The following ZFHX4 variants were observed in gnomAD, a reference collection of about 807,000 sequenced individuals.
ZFHX4 encodes the protein zinc finger homeobox 4.
A neutral mutation model predicts 267.6 loss-of-function variants in ZFHX4; 56 were observed. The ratio of observed to expected loss-of-function variants is 0.21; its 90% CI spans 0.17 to 0.26. ZFHX4 has a LOEUF of 0.26. Ranked by LOEUF, ZFHX4 falls within the 10% of genes least tolerant of loss-of-function variation. The pLI, the probability that ZFHX4 is intolerant of heterozygous loss-of-function variation, is 1.00. For synonymous variants in ZFHX4, 1,778 were observed against 1,665.6 expected (o/e 1.07, Z -1.64); for missense variants, 4,332 against 4,420.0 (o/e 0.98, Z 0.56).
chr8:76,791,903 G>T (rs1199046380), intron 4 of ZFHX4, among the ~76,000 whole-genome samples: 1 of 152,020 alleles, frequency 6.6e-6, no homozygotes, highest in African/African-American at 2.4e-5. Context: ...TCAATGTATA[G>T]ATATTACTCA....
At position 76,837,438 on chromosome 8, in the gene ZFHX4, A is replaced by G. The variant is rs556253963; in HGVS notation, c.3394+4032A>G. 3.9e-5 allele frequency among the ~76,000 whole-genome samples: 6 copies of G among 151,936 alleles called. No individual in the cohort carries two copies. The East Asian group carries it at 1.2e-3, about 30-fold the overall frequency. ...GGAGGAATTAATATGAACAGAAACC[A>G]GACTGGAGAGGGTTGAATAATAAAT... is the stretch of plus-strand genomic sequence containing the variant. On this transcript the variant is annotated intron_variant, in intron 5 of 10. Coordinates refer to ENST00000651372, the MANE Select transcript of ZFHX4 (RefSeq NM_024721.5).
At chr8:76,712,731 T>C (rs573837294) in intron 3 of ZFHX4, among the ~76,000 whole-genome samples, 7 of 152,318 alleles carry the variant, frequency 4.6e-5, no homozygotes, top group African/African-American at 1.7e-4. Flanking sequence ...GTTATTCTTT[T>C]CTGTTACTAA....
At chr8:76,799,160 C>T (rs570581856) in intron 4 of ZFHX4, among the ~76,000 whole-genome samples, 1 of 152,206 alleles carries the variant, frequency 6.6e-6, no homozygotes, top group East Asian at 1.9e-4. Flanking sequence ...GTATATTTTT[C>T]ATCACGCTGT....
intron 3 of ZFHX4, among the ~76,000 whole-genome samples, chr8:76,732,347 C>A (rs982887672): frequency 2.6e-5 from 4 of 151,886 alleles, no homozygotes; most frequent in Admixed American, 6.6e-5. Flanking sequence ...TTTAGAAGGG[C>A]AGTCTGTTTT....
rs1426538281 is a variant in ZFHX4 at position 76,856,188 on chromosome 8, C to A, written c.9267C>A (p.Leu3089=). The part of the protein sequence containing the change: ...QQPGMMDSSS[L]HGISLPTAYP... ...CAGGCATGATGGACAGCAGTTCTCT[C>A]CACGGCATCAGCCTGCCAACAGCCT... Residue 3089 remains leucine (L), a synonymous_variant, in exon 10 of 11, where the codon CTC becomes CTA. Coordinates refer to ENST00000651372, the MANE Select transcript of ZFHX4 (RefSeq NM_024721.5). The A allele has an allele frequency of 6.2e-7, 1 of 1,613,852 alleles. No individual in the cohort carries two copies. Among genetic ancestry groups the A allele is most frequent in the African/African-American group, 1.3e-5 (1 of 74,932 alleles).
rs1278470345 is a variant in ZFHX4, at chr8:76,853,761, A to G, written c.6840A>G (p.Lys2280=). The G allele has an allele frequency of 1.9e-6, 3 of 1,613,790 alleles. No homozygotes were observed. Among genetic ancestry groups the G allele is most frequent in the East Asian group, 2.2e-5 (1 of 44,802 alleles). Residue 2280 remains lysine (K), a synonymous_variant, in exon 10 of 11, where the codon AAA becomes AAG. Transcript: ENST00000651372. Reference sequence around the variant, plus strand: ...TATGGTTCCAGAATGCTCGTCAGAAAGCACGAAAGAGTTATGAGAATCAAG... The same window carrying G: ...TATGGTTCCAGAATGCTCGTCAGAAGGCACGAAAGAGTTATGAGAATCAAG... ...IVVWFQNARQ[K]ARKSYENQAE...
At chr8:76,711,192 C>G (rs931784827) in intron 3 of ZFHX4, among the ~76,000 whole-genome samples, 1 of 152,026 alleles carries the variant, frequency 6.6e-6, no homozygotes, top group Non-Finnish European at 1.5e-5. Flanking sequence ...TTTTTGGCAG[C>G]ATTATTTTCC....
intron 3 of ZFHX4, among the ~76,000 whole-genome samples, chr8:76,772,063 T>G (rs1810278721): frequency 6.6e-6 from 1 of 152,108 alleles, no homozygotes; most frequent in Non-Finnish European, 1.5e-5. Flanking sequence ...TCTGTGTGTC[T>G]CTGTTTCCTT....
chr8:76,856,360 A>G, intron 10 of ZFHX4, 60 bp downstream of exon 10: 3 of 1,584,638 alleles, frequency 1.9e-6, no homozygotes, highest in Non-Finnish European at 2.6e-6. Flanking sequence ...AGACAGTCAC[A>G]TGTAACCAAG....
At position 76,856,119 on chromosome 8, in the gene ZFHX4, T is replaced by C. The variant is rs1391430938; in HGVS notation, c.9198T>C (p.Arg3066=). The C allele has an allele frequency of 1.9e-6, 3 of 1,613,896 alleles. No homozygotes were observed. Among genetic ancestry groups the C allele is most frequent in the East Asian group, 2.2e-5 (1 of 44,864 alleles). ...RQLMAQQELD[R]IKKASDVLGL... ...TGATGGCACAGCAAGAACTTGATCG[T>C]ATAAAGAAAGCTTCAGACGTGCTGG... The change falls in exon 10 of 11, where the codon CGT becomes CGC. Residue 3066 remains arginine (R), a synonymous_variant. Coordinates refer to ENST00000651372, the MANE Select transcript of ZFHX4 (RefSeq NM_024721.5).
At chr8:76,815,623 T>A (rs139394669) in intron 4 of ZFHX4, among the ~76,000 whole-genome samples, 215 of 152,294 alleles carry the variant, frequency 1.4e-3, no homozygotes, top group African/African-American at 4.9e-3. Flanking sequence ...TGCCTCAGCC[T>A]CTGGGATAAC....
At chr8:76,833,056 A>G (rs1458674399) in intron 4 of ZFHX4, among the ~76,000 whole-genome samples, 2 of 152,200 alleles carry the variant, frequency 1.3e-5, no homozygotes, top group Non-Finnish European at 2.9e-5. Flanking sequence ...AAATAGTCCA[A>G]TGACAAAAAT....
At position 76,740,853 on chromosome 8, in the gene ZFHX4, G is replaced by A. The variant is rs540417879; in HGVS notation, c.3093+32805G>A. Among the ~76,000 whole-genome samples, 5 of 152,268 alleles carry A rather than the reference G, an allele frequency of 3.3e-5. No homozygotes were observed. In the East Asian group the frequency reaches 9.6e-4, roughly 29 times the overall value. On this transcript the variant is annotated intron_variant, in intron 3 of 10. Transcript: ENST00000651372. The stretch of plus-strand genomic sequence containing the variant: ...TGAGGGAAAAGGAGCAATGAGTACA[G>A]TTTGTAGCACATTTGTGTGTGAAGT...
At chr8:76,692,218 C>A (rs546873695) in intron 1 of ZFHX4, among the ~76,000 whole-genome samples, 117 of 152,206 alleles carry the variant, frequency 7.7e-4, no homozygotes, top group African/African-American at 2.8e-3. Context: ...CACATGAACT[C>A]AAGATTCCAG....
In ZFHX4 at chr8:76,851,051, A is replaced by G; in HGVS notation, c.4130A>G (p.Gln1377Arg). 2 of 1,613,980 alleles carry G rather than the reference A, an allele frequency of 1.2e-6. No individual in the cohort carries two copies. Among genetic ancestry groups the G allele is most frequent in the African/African-American group, 1.3e-5 (1 of 75,054 alleles). ...DVKIPDTLQD[Q>R]LNEQQKRQPL... is the part of the protein sequence containing the mutation. ...AAAATCCCCGACACACTGCAAGATC[A>G]ATTAAATGAACAGCAAAAAAGGCAA... The change falls in exon 10 of 11, where the codon CAA becomes CGA. Residue 1377 changes from glutamine (Q) to arginine (R), a missense_variant. Physicochemically the swap from Gln to Arg is conservative, Grantham distance 43. Coordinates refer to ENST00000651372, the MANE Select transcript of ZFHX4 (RefSeq NM_024721.5).
intron 3 of ZFHX4, among the ~76,000 whole-genome samples, chr8:76,773,280 A>G (rs1810315662): frequency 6.6e-6 from 1 of 152,196 alleles, no homozygotes; most frequent in Non-Finnish European, 1.5e-5. Flanking sequence ...ATAGTCAGAT[A>G]TATTCATAAT....
At chr8:76,686,128 G>T (rs1179132665) in intron 1 of ZFHX4, among the ~76,000 whole-genome samples, 1 of 152,084 alleles carries the variant, frequency 6.6e-6, no homozygotes, top group Non-Finnish European at 1.5e-5. Flanking sequence ...ACCAAGTTCC[G>T]CACAGCTGCA....
At chr8:76,774,439 G>A (rs1425938749) in intron 3 of ZFHX4, among the ~76,000 whole-genome samples, 1 of 151,986 alleles carries the variant, frequency 6.6e-6, no homozygotes, top group Non-Finnish European at 1.5e-5. Context: ...TATTGATTCA[G>A]GTTTACTCTA....
intron 1 of ZFHX4, among the ~76,000 whole-genome samples, chr8:76,687,995 A>T (rs1402866874): frequency 6.6e-6 from 1 of 152,200 alleles, no homozygotes; most frequent in African/African-American, 2.4e-5. Context: ...AGACTTGAGA[A>T]AACAAGCAGG....
Sources: allele counts gnomAD v4.1 joint callset (sites outside exome capture counted in the v4.1 genomes callset), GRCh38; gene constraint gnomAD v4.1.1; transcripts MANE v1.5; gene names NCBI Gene and HGNC (gene_info 2026-07-23, HGNC 2026-07-21).